BEST3: variants seen among roughly 807,000 people sequenced by gnomAD.
The protein encoded by BEST3 is bestrophin-3.
In BEST3, 50 loss-of-function variants were observed where a neutral mutation model predicts 47.1. That is an observed-to-expected ratio of 1.06 (90% CI 0.85 to 1.34). The LOEUF (loss-of-function observed/expected upper bound fraction) is 1.34. BEST3 is among the 40% of genes most tolerant of loss of function. The probability of loss-of-function intolerance (pLI) is 0.00; values close to 1 mark genes in which losing one functional copy is unlikely to be tolerated. For missense variants in BEST3, 765 were observed against 817.0 expected (o/e 0.94, Z 0.78); for synonymous variants, 282 against 298.8 (o/e 0.94, Z 0.58).
At chr12:69,696,246 A>G (rs555748304) in intron 2 of BEST3, among the ~76,000 whole-genome samples, 1 of 152,286 alleles carries the variant, frequency 6.6e-6, no homozygotes, top group South Asian at 2.1e-4. Flanking sequence ...TTATAAATGT[A>G]AGCCCTCTGC....
At chr12:69,657,044 CTGCTGAATTTCT>C (rs1883547142) in intron 9 of BEST3, among the ~76,000 whole-genome samples, 1 of 152,114 alleles carries the variant, frequency 6.6e-6, no homozygotes, top group African/African-American at 2.4e-5. Context: ...CAAGAATTTC[CTGCTGAATTTCT>C]ACCATTTAAA....
intron 2 of BEST3, among the ~76,000 whole-genome samples, chr12:69,694,892 A>G (rs537886696): frequency 3.3e-5 from 5 of 152,160 alleles, no homozygotes; most frequent in African/African-American, 4.8e-5. Context: ...TGACACCTTG[A>G]TATTTCTCCT....
intron 9 of BEST3, chr12:69,670,384 A>G (rs1481907708): frequency 2.9e-6 from 2 of 695,234 alleles, no homozygotes; most frequent in African/African-American, 1.8e-5. Context: ...GCGGGCAACA[A>G]GGCAAATCTC....
chr12:69,682,042 A>AT (rs1457047281), intron 4 of BEST3, among the ~76,000 whole-genome samples: 1 of 143,090 alleles, frequency 7.0e-6, no homozygotes, highest in Non-Finnish European at 1.5e-5. Context: ...AGATTGTGCC[A>AT]TTGCACTCCA....
chr12:69,697,416 G>A (rs931877452), intron 2 of BEST3, among the ~76,000 whole-genome samples: 4 of 152,106 alleles, frequency 2.6e-5, no homozygotes, highest in Non-Finnish European at 5.9e-5. Flanking sequence ...GGCACAACTG[G>A]GGCTGGAATG....
chr12:69,659,332 A>G (rs1883724580), intron 9 of BEST3, among the ~76,000 whole-genome samples: 1 of 152,158 alleles, frequency 6.6e-6, no homozygotes, highest in Non-Finnish European at 1.5e-5. Flanking sequence ...TTTAAGAACA[A>G]AATAGTTTAA....
At chr12:69,645,184 G>T (rs117512945) in intron 9 of BEST3, among the ~76,000 whole-genome samples, 210 of 152,268 alleles carry the variant, frequency 1.4e-3, no homozygotes, top group Non-Finnish European at 1.5e-3. Context: ...AGAGTGTTCA[G>T]TATTGGTTTA....
intron 3 of BEST3, 64 bp downstream of exon 3, chr12:69,694,305 AG>A (rs1565844964): frequency 1.0e-6 from 1 of 999,666 alleles, no homozygotes; most frequent in Admixed American, 2.5e-5. Context: ...TCCCATGCAG[AG>A]TCATCGGTGT....
At position 69,654,540 on chromosome 12, in the gene BEST3, G is replaced by T. The variant is rs1316645182; in HGVS notation, c.*367C>A. The T allele has an allele frequency of 3.0e-6, 3 of 1,002,688 alleles. No homozygotes were observed. Among genetic ancestry groups the T allele is most frequent in the African/African-American group, 3.5e-5 (2 of 57,836 alleles). The allele number at this position is 1,002,688 out of a possible 1,614,324, so 62.1% of individuals were successfully genotyped here. ...GAAATAGAGAACCCTGCGTGTCTGG[G>T]CCTTTGGGTCTAGGGGATTGGACTA... On this transcript the variant is annotated 3_prime_UTR_variant, in exon 10 of 10. Coordinates refer to ENST00000330891, the MANE Select transcript of BEST3 (RefSeq NM_032735.3).
chr12:69,685,183 AAT>A (rs1688768056), intron 4 of BEST3, among the ~76,000 whole-genome samples: 2 of 152,162 alleles, frequency 1.3e-5, no homozygotes. Flanking sequence ...AGCAATAAGG[AAT>A]AGAGACAGAC....
rs548878121 is a variant in BEST3, at chr12:69,673,837, C to T, written c.868-872G>A. Among the ~76,000 whole-genome samples, 10 of 152,088 alleles carry T rather than the reference C, an allele frequency of 6.6e-5. No individual in the cohort carries two copies. The South Asian group carries it at 8.3e-4, about 13-fold the overall frequency. The stretch of plus-strand genomic sequence containing the variant: ...GAAATTGAGGCTTACCTAGTTTTTA[C>T]CCTAAAGGATTTACTCTTATCCAGT... On this transcript the variant is annotated intron_variant, in intron 7 of 9. Transcript: ENST00000330891.
At chr12:69,661,622 A>T (rs1811562023) in intron 9 of BEST3, among the ~76,000 whole-genome samples, 1 of 152,216 alleles carries the variant, frequency 6.6e-6, no homozygotes, top group Admixed American at 6.5e-5. Context: ...AGCTGTAGCC[A>T]AGGATTTATA....
intron 7 of BEST3, among the ~76,000 whole-genome samples, chr12:69,673,765 A>G (rs1398533347): frequency 6.6e-6 from 1 of 152,152 alleles, no homozygotes; most frequent in East Asian, 1.9e-4. Flanking sequence ...GTTATTGAAC[A>G]TAACTGCTAA....
intron 5 of BEST3, among the ~76,000 whole-genome samples, chr12:69,677,590 G>A (rs1193650030): frequency 6.6e-6 from 1 of 152,166 alleles, no homozygotes; most frequent in Non-Finnish European, 1.5e-5. Flanking sequence ...AGATAAGCCT[G>A]GGCAACATAG....
In BEST3 at chr12:69,655,198, C is replaced by T; in HGVS notation, c.1716G>A (p.Glu572=). 1 of 1,614,146 alleles carries T rather than the reference C, an allele frequency of 6.2e-7. No individual in the cohort carries two copies. The highest frequency in any genetic ancestry group is 8.5e-7 in the Non-Finnish European group (1 of 1,180,008). ...PSPQTVSASA[E]ENIFNCEEDP... ...CTTCTTCACAGTTGAATATATTTTC[C>T]TCAGCGCTGGCTGAAACTGTCTGGG... is the stretch of plus-strand genomic sequence containing the variant. The change falls in exon 10 of 10, where the codon GAG becomes GAA. Residue 572 remains glutamate, a synonymous_variant. Coordinates refer to ENST00000330891, the MANE Select transcript of BEST3 (RefSeq NM_032735.3).
intron 9 of BEST3, among the ~76,000 whole-genome samples, chr12:69,667,236 A>T (rs710731): frequency 0.8 from 121,608 of 152,130 alleles, 49,568 homozygotes; most frequent in Middle Eastern, 0.91. Flanking sequence ...GCCTGAAATG[A>T]GCCCTCTGCT....
chr12:69,655,662 T>G lies in BEST3; in HGVS notation c.1252A>C (p.Ser418Arg), dbSNP rs979888196. 1 of 1,614,014 alleles carries G rather than the reference T, an allele frequency of 6.2e-7. No individual in the cohort carries two copies. The highest frequency in any genetic ancestry group is 1.3e-5 in the African/African-American group (1 of 75,020). Reference sequence around the variant, plus strand: ...CGGGGTAAGAACATGGAGCTGTCACTTGTCTGCCTCCTGTAGCTTCTTCTT... The same window carrying G: ...CGGGGTAAGAACATGGAGCTGTCACGTGTCTGCCTCCTGTAGCTTCTTCTT... ...PRRRSYRRQTSDSSMFLPRDD... is the reference protein window; with the variant it reads ...PRRRSYRRQTRDSSMFLPRDD... Residue 418 changes from serine (S) to arginine (R), a missense_variant, in exon 10 of 10, where the codon AGT becomes CGT. Coordinates refer to ENST00000330891, the MANE Select transcript of BEST3 (RefSeq NM_032735.3).
At chr12:69,673,892 G>A (rs1884736849) in intron 7 of BEST3, among the ~76,000 whole-genome samples, 1 of 152,090 alleles carries the variant, frequency 6.6e-6, no homozygotes, top group African/African-American at 2.4e-5. Context: ...GAAAATGTTA[G>A]GTAGCTATTG....
chr12:69,645,375 G>A (rs74400882), intron 9 of BEST3, among the ~76,000 whole-genome samples: 4,756 of 152,264 alleles, frequency 0.031, 107 homozygotes, highest in Middle Eastern at 0.061. Flanking sequence ...CTTGTTAAGA[G>A]AATTAAATGT....
Sources: gnomAD v4.1 joint callset for allele counts (sites outside exome capture counted in the v4.1 genomes callset) on GRCh38, gnomAD v4.1.1 for gene constraint, MANE v1.5 for transcripts, NCBI Gene and HGNC (gene_info 2026-07-23, HGNC 2026-07-21) for gene names.